PTPN3: variants seen among roughly 807,000 people sequenced by gnomAD.
PTPN3 encodes protein tyrosine phosphatase non-receptor type 3.
Under a neutral mutation model 132.7 loss-of-function variants are expected in PTPN3, and 96 were observed. The observed-to-expected ratio is 0.72, with a 90% CI of 0.61 to 0.86. The LOEUF is 0.86. Among genes scored for constraint, PTPN3 ranks in the 40% least tolerant of loss-of-function variants. PTPN3 has a pLI of 0.00. For missense variants in PTPN3, 1,125 were observed against 1,159.6 expected (o/e 0.97, Z 0.43); for synonymous variants, 398 against 429.0 (o/e 0.93, Z 0.89).
chr9:109,482,838 A>T (rs10733570), intron 1 of PTPN3, among the ~76,000 whole-genome samples: 135,899 of 152,242 alleles, frequency 0.89, 60,903 homozygotes, highest in African/African-American at 0.97. Context: ...ACTGAACCTC[A>T]CTGAGATTCC....
At chr9:109,514,085 C>A in the PTPN3 span, among the ~76,000 whole-genome samples, 2 of 152,126 alleles carry the variant, frequency 1.3e-5, no homozygotes, top group Non-Finnish European at 2.9e-5. Flanking sequence ...CTCTCTCTTG[C>A]CAAACAAAGA....
At chr9:109,454,430 GA>G in intron 5 of PTPN3, 65 bp downstream of exon 5, 1 of 1,285,320 alleles carries the variant, frequency 7.8e-7, no homozygotes, top group Non-Finnish European at 1.1e-6. Context: ...ATAAAATGAA[GA>G]GTACATTTTT....
At chr9:109,393,642 C>T (rs1018563035) in intron 19 of PTPN3, among the ~76,000 whole-genome samples, 1 of 152,092 alleles carries the variant, frequency 6.6e-6, no homozygotes, top group Non-Finnish European at 1.5e-5. Context: ...ACACCTCGGC[C>T]TCTGAAAGTG....
intron 1 of PTPN3, among the ~76,000 whole-genome samples, chr9:109,487,425 C>T (rs1206696737): frequency 6.6e-6 from 1 of 152,212 alleles, no homozygotes; most frequent in African/African-American, 2.4e-5. Context: ...CAGTCCCTGG[C>T]GTCCGAATGA....
rs531956364 is a variant in PTPN3 at position 109,391,877 on chromosome 9, G to C, written c.1954-316C>G. Among the ~76,000 whole-genome samples the C allele has an allele frequency of 2.5e-4, 25 of 101,120 alleles. 3 individuals carry two copies. The East Asian group carries it at 3.1e-3, about 13-fold the overall frequency. The allele number at this position is 101,120 out of a possible 152,430, so 66.3% of individuals were successfully genotyped here. ...GCTAAAAGCAACTAGATGTGGGGGG[G>C]GGGGGGAAGAATTCTGGCTCAAAAT... On this transcript the variant is annotated intron_variant, in intron 19 of 25. Coordinates refer to ENST00000374541, the MANE Select transcript of PTPN3 (RefSeq NM_002829.4).
At chr9:109,417,532 GT>G (rs34687094) in intron 14 of PTPN3, 12,910 of 785,134 alleles carry the variant, frequency 0.016, 3 homozygotes, top group South Asian at 0.02. Context: ...TAACCAACAG[GT>G]TTTTTTTTTT....
intron 19 of PTPN3, among the ~76,000 whole-genome samples, chr9:109,396,468 T>C (rs1371390538): frequency 6.6e-6 from 1 of 152,232 alleles, no homozygotes; most frequent in Non-Finnish European, 1.5e-5. Flanking sequence ...CAACAGCTCC[T>C]GGCTGCAGGT....
In PTPN3 at chr9:109,381,652, T is replaced by C. The variant is rs747537517; in HGVS notation, c.2664A>G (p.Ser888=). The C allele has an allele frequency of 6.2e-7, 1 of 1,614,224 alleles. No homozygotes were observed. The highest frequency in any genetic ancestry group is 8.5e-7 in the Non-Finnish European group (1 of 1,180,022). ...CCGTAATTACTGGATTTCTACTCAC[T>C]GATGTCTGCACCATCATGGCGCGCT... ...RDQRAMMVQT[S]SQYKFVCEAI... The change falls in exon 25 of 26, where the codon TCA becomes TCG. Residue 888 remains serine, a splice_region_variant and synonymous_variant. Transcript: ENST00000374541.
At chr9:109,489,915 C>T (rs1847379518) in intron 1 of PTPN3, among the ~76,000 whole-genome samples, 1 of 152,118 alleles carries the variant, frequency 6.6e-6, no homozygotes, top group Non-Finnish European at 1.5e-5. Context: ...GGTGGGGTGG[C>T]TCATGCCTAT....
chr9:109,381,353 C>A (rs1839063702), intron 25 of PTPN3, among the ~76,000 whole-genome samples: 1 of 152,126 alleles, frequency 6.6e-6, no homozygotes, highest in South Asian at 2.1e-4. Flanking sequence ...AAAAGGAGTA[C>A]CCAGGTCTAG....
intron 21 of PTPN3, 101 bp from the exon 22 acceptor site, chr9:109,389,480 A>C (rs1483868695): frequency 6.6e-6 from 8 of 1,210,030 alleles, no homozygotes; most frequent in Non-Finnish European, 9.0e-6. Flanking sequence ...ATTGCACCAG[A>C]AAAATTATCT....
Position 109,391,070 on chromosome 9 carries a change from A to G in PTPN3, c.2106+68T>C, listed in dbSNP as rs372584862. On this transcript the variant is annotated intron_variant, in intron 21 of 25. Transcript: ENST00000374541. The stretch of plus-strand genomic sequence containing the variant: ...CACTGTGTCAACTGCAAAGCCCCAC[A>G]CAGGCCCTCATCATCGTTGCGACAG... 249 of 1,433,246 alleles carry G rather than the reference A, an allele frequency of 1.7e-4. No homozygotes were observed. The African/African-American group carries it at 3.1e-3, about 18-fold the overall frequency. The allele number at this position is 1,433,246 out of a possible 1,614,324, so 88.8% of individuals were successfully genotyped here. A position where few individuals can be genotyped will look rare whatever the true frequency, so the allele number is the denominator to read the frequency against.
chr9:109,475,163 G>A (rs1164022490), intron 1 of PTPN3, among the ~76,000 whole-genome samples: 1 of 152,104 alleles, frequency 6.6e-6, no homozygotes, highest in African/African-American at 2.4e-5. Flanking sequence ...CAGAGAAGCT[G>A]GATGAGACCC....
chr9:109,395,210 T>C (rs903411748), intron 19 of PTPN3, among the ~76,000 whole-genome samples: 1 of 152,052 alleles, frequency 6.6e-6, no homozygotes, highest in Non-Finnish European at 1.5e-5. Context: ...TATTTTACTT[T>C]GGTTATTTCT....
chr9:109,408,873 A>ATATC (rs1564404571), intron 16 of PTPN3, among the ~76,000 whole-genome samples: 1 of 145,922 alleles, frequency 6.9e-6, no homozygotes, highest in Non-Finnish European at 1.5e-5. Flanking sequence ...CTTTATATAT[A>ATATC]TATATATAGG....
chr9:109,452,993 T>C (rs1373487609), intron 5 of PTPN3, among the ~76,000 whole-genome samples: 2 of 152,172 alleles, frequency 1.3e-5, no homozygotes, highest in Non-Finnish European at 2.9e-5. Flanking sequence ...AGTGTTTCTA[T>C]CCTATCCCCA....
intron 1 of PTPN3, among the ~76,000 whole-genome samples, chr9:109,468,459 C>T (rs573264062): frequency 6.2e-4 from 95 of 152,198 alleles, no homozygotes; most frequent in Non-Finnish European, 8.5e-4. Context: ...CTCCTCCTCC[C>T]GGGTTCACGC....
chr9:109,406,349 T>C, intron 18 of PTPN3, 113 bp downstream of exon 18: 1 of 1,339,456 alleles, frequency 7.5e-7, no homozygotes, highest in Non-Finnish European at 1.0e-6. Context: ...AGATTCTTGA[T>C]TTTCAAATGT....
chr9:109,386,089 T>C (rs1839559346), intron 22 of PTPN3, among the ~76,000 whole-genome samples: 1 of 152,204 alleles, frequency 6.6e-6, no homozygotes, highest in South Asian at 2.1e-4. Context: ...GAGAAAGGGA[T>C]AAATCTGCTC....
Sources: allele counts gnomAD v4.1 joint callset (sites outside exome capture counted in the v4.1 genomes callset), GRCh38; gene constraint gnomAD v4.1.1; transcripts MANE v1.5; gene names NCBI Gene and HGNC (gene_info 2026-07-23, HGNC 2026-07-21).